Variants in CREB5 observed in about 807,000 individuals in gnomAD.
CREB5 encodes cAMP responsive element binding protein 5, also known as cyclic AMP-responsive element-binding protein 5.
A neutral mutation model predicts 57.1 loss-of-function variants in CREB5; 19 were observed. The observed-to-expected ratio is 0.33, with a 90% CI of 0.23 to 0.49. The LOEUF is 0.49. CREB5 is among the 20% of genes least tolerant of loss of function. CREB5 has a pLI of 0.99. For missense variants in CREB5, 579 were observed against 671.6 expected, an observed-to-expected ratio of 0.86 and a Z score of 1.52; for synonymous variants, 238 against 238.3, an observed-to-expected ratio of 1.00 and a Z score of 0.01.
At chr7:28,356,965 C>T (rs914600801) in intron 1 of CREB5, among the ~76,000 whole-genome samples, 1 of 152,166 alleles carries the variant, frequency 6.6e-6, no homozygotes, top group Non-Finnish European at 1.5e-5. Context: ...CAACCAGCAA[C>T]TCTACCACAC....
intron 5 of CREB5, among the ~76,000 whole-genome samples, chr7:28,591,281 C>T (rs547572811): frequency 7.9e-5 from 12 of 152,250 alleles, no homozygotes; most frequent in South Asian, 2.1e-4. Context: ...CCAAGCATAA[C>T]GCCATTCCTT....
intron 9 of CREB5, among the ~76,000 whole-genome samples, chr7:28,813,860 C>A (rs1181967568): frequency 2.6e-5 from 4 of 152,096 alleles, no homozygotes. Context: ...TTTAGAGGAG[C>A]AAACTCAAAT....
intron 5 of CREB5, among the ~76,000 whole-genome samples, chr7:28,693,055 A>G (rs1801356433): frequency 6.6e-6 from 1 of 152,256 alleles, no homozygotes; most frequent in South Asian, 2.1e-4. Flanking sequence ...GACAGTAGTT[A>G]GACAATAGCC....
intron 9 of CREB5, among the ~76,000 whole-genome samples, chr7:28,814,352 G>A (rs962238062): frequency 6.6e-6 from 1 of 152,108 alleles, no homozygotes; most frequent in African/African-American, 2.4e-5. Flanking sequence ...TTAAGCCAAA[G>A]GCCCCTTATG....
At chr7:28,580,463 A>ACACACACACACACACACACACAC (rs1554347479) in intron 5 of CREB5, among the ~76,000 whole-genome samples, 1 of 146,772 alleles carries the variant, frequency 6.8e-6, no homozygotes, top group Non-Finnish European at 1.5e-5. Context: ...ACACACACAC[A>ACACACACACACACACACACACAC]ATAGATAGCT....
At chr7:28,336,541 G>A (rs1785825366) in intron 1 of CREB5, among the ~76,000 whole-genome samples, 1 of 151,874 alleles carries the variant, frequency 6.6e-6, no homozygotes, top group Admixed American at 6.5e-5. Flanking sequence ...CAGTTGTAAT[G>A]TCTCCTTTTT....
At chr7:28,537,726 A>T (rs577305994) in intron 4 of CREB5, among the ~76,000 whole-genome samples, 2 of 152,350 alleles carry the variant, frequency 1.3e-5, no homozygotes, top group African/African-American at 4.8e-5. Context: ...TAAGAACAGG[A>T]GTCTGTCATG....
chr7:28,349,499 G>A (rs929365511), intron 1 of CREB5, among the ~76,000 whole-genome samples: 3 of 151,830 alleles, frequency 2.0e-5, no homozygotes, highest in Non-Finnish European at 2.9e-5. Context: ...CCATGGCATT[G>A]ATTTCAGGAG....
chr7:28,551,279 T>G (rs1562790705), intron 4 of CREB5, among the ~76,000 whole-genome samples: 1 of 152,220 alleles, frequency 6.6e-6, no homozygotes, highest in African/African-American at 2.4e-5. Flanking sequence ...ATCTTTGGTG[T>G]TGTTGAAAAA....
At chr7:28,372,514 C>G (rs978175731) in intron 1 of CREB5, among the ~76,000 whole-genome samples, 3 of 152,112 alleles carry the variant, frequency 2.0e-5, no homozygotes, top group Non-Finnish European at 4.4e-5. Context: ...ACATTACAAT[C>G]GTATTATTTG....
At chr7:28,487,868 G>A (rs1383883703) in intron 1 of CREB5, among the ~76,000 whole-genome samples, 2 of 152,122 alleles carry the variant, frequency 1.3e-5, no homozygotes, top group African/African-American at 4.8e-5. Context: ...GTCTTTCCTG[G>A]TAGTAACACC....
intron 1 of CREB5, among the ~76,000 whole-genome samples, chr7:28,414,032 T>C (rs546789134): frequency 3.9e-5 from 6 of 152,312 alleles, no homozygotes; most frequent in African/African-American, 1.4e-4. Context: ...TGTCGGTGTG[T>C]AGTGTTCACT....
At chr7:28,327,240 T>C (rs1182608375) in intron 1 of CREB5, among the ~76,000 whole-genome samples, 1 of 151,184 alleles carries the variant, frequency 6.6e-6, no homozygotes, top group Non-Finnish European at 1.5e-5. Context: ...AAGTGAGAAA[T>C]GCTTATTTAT....
intron 1 of CREB5, among the ~76,000 whole-genome samples, chr7:28,360,298 C>T (rs1311375763): frequency 6.6e-6 from 1 of 152,120 alleles, no homozygotes; most frequent in African/African-American, 2.4e-5. Flanking sequence ...TTCACAATAT[C>T]CAAGTTATAC....
At chr7:28,698,762 T>C (rs1455680995) in intron 5 of CREB5, among the ~76,000 whole-genome samples, 8 of 152,222 alleles carry the variant, frequency 5.3e-5, no homozygotes, top group Admixed American at 2.6e-4. Flanking sequence ...CTTGGAAATG[T>C]GCATTCTGTT....
intron 7 of CREB5, among the ~76,000 whole-genome samples, chr7:28,798,738 A>G (rs530165236): frequency 6.6e-5 from 10 of 152,270 alleles, no homozygotes; most frequent in East Asian, 1.9e-4. Flanking sequence ...ATAAATGAAC[A>G]TGGTAGAAGA....
At chr7:28,439,337 T>A (rs1789091093) in intron 1 of CREB5, among the ~76,000 whole-genome samples, 1 of 152,222 alleles carries the variant, frequency 6.6e-6, no homozygotes, top group African/African-American at 2.4e-5. Context: ...GTATACTTTG[T>A]GAACCTGCTA....
chr7:28,385,325 T>C lies in CREB5; in HGVS notation c.-25+85884T>C, dbSNP rs149651195. 3.9e-3 allele frequency among the ~76,000 whole-genome samples: 592 copies of C among 152,262 alleles called. 1 individual carries two copies. The highest frequency in any genetic ancestry group is 6.3e-3 in the Admixed American group (96 of 15,278). ...TACTAGTTAACCAAGTATCTACACA[T>C]ATGGGTCTTCTGCAGGTTTCTTGAC... On this transcript the variant is annotated intron_variant, in intron 1 of 9. Coordinates refer to the CREB5 transcript ENST00000396299.
chr7:28,540,567 C>A (rs946914947), intron 4 of CREB5, among the ~76,000 whole-genome samples: 2 of 152,196 alleles, frequency 1.3e-5, no homozygotes, highest in African/African-American at 4.8e-5. Flanking sequence ...CAAATGAATT[C>A]TTCTATACCA....
Sources: allele counts gnomAD v4.1 joint callset (sites outside exome capture counted in the v4.1 genomes callset), GRCh38; gene constraint gnomAD v4.1.1; transcripts MANE v1.5; gene names NCBI Gene and HGNC (gene_info 2026-07-23, HGNC 2026-07-21).